The following HS2ST1 variants were observed in gnomAD, a reference collection of about 807,000 sequenced individuals.
The protein encoded by HS2ST1 is 2-O-sulfotransferase.
A neutral mutation model predicts 42.9 loss-of-function variants in HS2ST1; 18 were observed. The observed-to-expected ratio is 0.42, with a 90% CI of 0.29 to 0.62. The LOEUF is 0.62. Ranked by LOEUF, HS2ST1 falls within the 20% of genes least tolerant of loss-of-function variation. The pLI is 0.21. For missense variants in HS2ST1, 334 were observed against 433.8 expected (o/e 0.77, Z 2.04); for synonymous variants, 146 against 152.9 (o/e 0.95, Z 0.33).
chr1:87,105,374 C>T lies in HS2ST1; in HGVS notation c.*678C>T, dbSNP rs1339686122. ...ATTCCTGCCTCCTCAATATCTAATA[C>T]TGGGAAGATACTTCAAAGAATATTG... On this transcript the variant is annotated 3_prime_UTR_variant, in exon 7 of 7. Coordinates refer to ENST00000370550, the MANE Select transcript of HS2ST1 (RefSeq NM_012262.4). 1 of 152,478 alleles carries T rather than the reference C, an allele frequency of 6.6e-6. No homozygotes were observed. Among genetic ancestry groups the T allele is most frequent in the Non-Finnish European group, 1.5e-5 (1 of 67,950 alleles). 9.4% of individuals were successfully genotyped at this position (152,478 alleles called of 1,614,324 possible). A position where few individuals can be genotyped will look rare whatever the true frequency, so the allele number is the denominator to read the frequency against.
chr1:87,002,359 A>C (rs1649314084), intron 1 of HS2ST1, among the ~76,000 whole-genome samples: 1 of 152,144 alleles, frequency 6.6e-6, no homozygotes, highest in Non-Finnish European at 1.5e-5. Flanking sequence ...TTGGGAGGCC[A>C]AGGCTTGCAG....
rs970611445 is a variant in HS2ST1, at chr1:87,098,065, A to G, written c.686+130A>G. ...GACTAAAAATAACATGTAATTCAGT[A>G]ATATCTAGTTTTGCAGTTACTTTTA... On this transcript the variant is annotated intron_variant, in intron 5 of 6. Transcript: ENST00000370550. 3.4e-6 allele frequency: 5 copies of G among 1,463,766 alleles called. No individual in the cohort carries two copies. The Admixed American group carries it at 1.0e-4, about 30-fold the overall frequency. 90.7% of individuals were successfully genotyped at this position (1,463,766 alleles called of 1,614,324 possible).
chr1:87,048,987 T>G (rs994879063), intron 1 of HS2ST1, among the ~76,000 whole-genome samples: 8 of 152,154 alleles, frequency 5.3e-5, no homozygotes, highest in Non-Finnish European at 1.0e-4. Context: ...GTTGGTATTT[T>G]TGGTATTGGT....
At chr1:86,954,961 G>C (rs1647635528) in intron 1 of HS2ST1, among the ~76,000 whole-genome samples, 2 of 152,040 alleles carry the variant, frequency 1.3e-5, no homozygotes, top group South Asian at 2.1e-4. Flanking sequence ...AGCCAGGTGT[G>C]GTGGCTCATC....
chr1:86,946,921 TCTC>T (rs1647357702), intron 1 of HS2ST1, among the ~76,000 whole-genome samples: 1 of 152,218 alleles, frequency 6.6e-6, no homozygotes, highest in Non-Finnish European at 1.5e-5. Context: ...ATGTACAAAT[TCTC>T]CTTGTCAAGA....
At chr1:86,978,854 T>C (rs1648498510) in intron 1 of HS2ST1, among the ~76,000 whole-genome samples, 1 of 141,002 alleles carries the variant, frequency 7.1e-6, no homozygotes, top group Non-Finnish European at 1.5e-5. Context: ...GGTTTTTACT[T>C]GTGAATCTTT....
intron 1 of HS2ST1, among the ~76,000 whole-genome samples, chr1:87,062,414 T>G (rs1651140283): frequency 6.6e-6 from 1 of 152,134 alleles, no homozygotes; most frequent in South Asian, 2.1e-4. Flanking sequence ...CTGGTATCAT[T>G]TTACCAATTC....
chr1:87,060,427 C>A (rs1651088510), intron 1 of HS2ST1, among the ~76,000 whole-genome samples: 1 of 152,134 alleles, frequency 6.6e-6, no homozygotes, highest in Non-Finnish European at 1.5e-5. Context: ...CTCAGACAAT[C>A]AGTATAATGT....
At chr1:87,060,965 C>A (rs1651105742) in intron 1 of HS2ST1, among the ~76,000 whole-genome samples, 1 of 151,928 alleles carries the variant, frequency 6.6e-6, no homozygotes, top group African/African-American at 2.4e-5. Context: ...TAGTGAGAAC[C>A]TTATCACAGA....
intron 1 of HS2ST1, among the ~76,000 whole-genome samples, chr1:86,964,137 C>A (rs1460990651): frequency 6.6e-6 from 1 of 151,748 alleles, no homozygotes; most frequent in Middle Eastern, 3.2e-3. Context: ...CAGAGACGCT[C>A]CTCACTTCCT....
chr1:86,920,382 A>T (rs963591868), intron 1 of HS2ST1, among the ~76,000 whole-genome samples: 1 of 152,210 alleles, frequency 6.6e-6, no homozygotes, highest in South Asian at 2.1e-4. Flanking sequence ...TACCTGTAAG[A>T]TGTTCCAGAG....
chr1:86,976,704 G>GTATGTATATATATATATATATATATA (rs1553134338), intron 1 of HS2ST1, among the ~76,000 whole-genome samples: 1 of 79,662 alleles, frequency 1.3e-5, no homozygotes, highest in African/African-American at 3.5e-5. Context: ...TTATAAAATT[G>GTATGTATATATATATATATATATATA]TATATATATA....
intron 1 of HS2ST1, among the ~76,000 whole-genome samples, chr1:86,982,052 C>T (rs895946878): frequency 3.3e-5 from 5 of 152,230 alleles, no homozygotes; most frequent in African/African-American, 9.6e-5. Context: ...CACCCACAGG[C>T]CCAACACCAC....
intron 1 of HS2ST1, among the ~76,000 whole-genome samples, chr1:87,014,451 T>A (rs1036680051): frequency 6.6e-6 from 1 of 152,128 alleles, no homozygotes; most frequent in Non-Finnish European, 1.5e-5. Flanking sequence ...CCATGACACA[T>A]GGGAATTATG....
At chr1:87,065,272 A>G (rs919390874) in intron 1 of HS2ST1, among the ~76,000 whole-genome samples, 6 of 152,184 alleles carry the variant, frequency 3.9e-5, no homozygotes, top group Admixed American at 1.3e-4. Flanking sequence ...AAAGGATCCA[A>G]TTTAATTCAG....
intron 1 of HS2ST1, among the ~76,000 whole-genome samples, chr1:86,987,184 C>T (rs909615266): frequency 2.0e-5 from 3 of 151,752 alleles, no homozygotes; most frequent in Non-Finnish European, 4.4e-5. Context: ...ATTCTCCTGC[C>T]TCAGCCCTCC....
intron 1 of HS2ST1, among the ~76,000 whole-genome samples, chr1:87,036,911 T>A (rs116477398): frequency 0.024 from 3,651 of 152,260 alleles, 47 homozygotes; most frequent in South Asian, 0.053. Flanking sequence ...AACTGAAAGG[T>A]TTTGATGCTT....
At chr1:87,085,390 G>A (rs1651796624) in intron 3 of HS2ST1, among the ~76,000 whole-genome samples, 1 of 152,044 alleles carries the variant, frequency 6.6e-6, no homozygotes, top group African/African-American at 2.4e-5. Flanking sequence ...AAGTATTACT[G>A]ATTCAAACTG....
At chr1:87,092,989 CTA>C (rs1651982576) in intron 4 of HS2ST1, among the ~76,000 whole-genome samples, 1 of 151,796 alleles carries the variant, frequency 6.6e-6, no homozygotes, top group African/African-American at 2.4e-5. Flanking sequence ...TTTTGGTTCT[CTA>C]AGTATTGATG....
Sources: allele counts gnomAD v4.1 joint callset (sites outside exome capture counted in the v4.1 genomes callset), GRCh38; gene constraint gnomAD v4.1.1; transcripts MANE v1.5; gene names NCBI Gene and HGNC (gene_info 2026-07-23, HGNC 2026-07-21).